The following TRAPPC14 variants were observed in gnomAD, a reference collection of about 807,000 sequenced individuals.
The protein encoded by TRAPPC14 is microtubule associated protein 11.
In TRAPPC14, 24 loss-of-function variants were observed where a neutral mutation model predicts 56.6. That is an observed-to-expected ratio of 0.42 (90% confidence interval 0.31 to 0.60). The LOEUF (loss-of-function observed/expected upper bound fraction) is 0.60. Among genes scored for constraint, TRAPPC14 ranks in the 20% least tolerant of loss-of-function variants. The pLI is 0.14. For synonymous variants in TRAPPC14, 377 were observed against 347.0 expected (o/e 1.09, Z -0.96); for missense variants, 615 against 790.3 (o/e 0.78, Z 2.66).
At position 100,155,146 on chromosome 7, in the gene TRAPPC14, C is replaced by G. The variant is rs778194921; in HGVS notation, c.1608G>C (p.Glu536Asp). The G allele has an allele frequency of 2.0e-5, 32 of 1,611,904 alleles. No homozygotes were observed. In the South Asian group the frequency reaches 2.4e-4, roughly 12 times the overall value. Residue 536 changes from glutamate (E) to aspartate (D), a missense_variant, in exon 11 of 11, where the codon GAG becomes GAC. Glu to Asp is a conservative substitution (Grantham distance 45). Coordinates refer to ENST00000316937, the MANE Select transcript of TRAPPC14 (RefSeq NM_018275.5). ...SHLMRSGSVMERRAITPPVAS... is the reference protein window; with the variant it reads ...SHLMRSGSVMDRRAITPPVAS... ...CCACAGGGGGCGTGATGGCTCTGCG[C>G]TCCATCACACTGCCCGACCTGGGGG...
At position 100,158,537 on chromosome 7, in the gene TRAPPC14, G is replaced by C; in HGVS notation, c.-38C>G. 2.3e-6 allele frequency: 3 copies of C among 1,302,434 alleles called. No homozygotes were observed. The South Asian group carries it at 6.8e-5, about 30-fold the overall frequency. 80.7% of individuals were successfully genotyped at this position (1,302,434 alleles called of 1,614,324 possible). A position where few individuals can be genotyped will look rare whatever the true frequency, so the allele number is the denominator to read the frequency against. On this transcript the variant is annotated 5_prime_UTR_variant, in exon 1 of 11. Coordinates refer to ENST00000316937, the MANE Select transcript of TRAPPC14 (RefSeq NM_018275.5). ...ACGGCGCGACTGGGAGCCCGGACCG[G>C]AGGCCGACCGCCGGCGGGGCCCGCT...
rs757688565 is a variant in TRAPPC14, at chr7:100,155,157, T to G, written c.1597A>C (p.Ser533Arg). The G allele has an allele frequency of 1.2e-6, 2 of 1,611,216 alleles. No individual in the cohort carries two copies. The highest frequency in any genetic ancestry group is 1.7e-6 in the Non-Finnish European group (2 of 1,178,664). The change falls in exon 11 of 11, where the codon AGT (serine) becomes CGT (arginine). Residue 533 changes from serine to arginine, a missense_variant. Transcript: ENST00000316937. ...PSRSHLMRSG[S>R]VMERRAITPP... ...GTGATGGCTCTGCGCTCCATCACACTGCCCGACCTGGGGGAAGGCAGAGGC... is the reference window on the plus strand; with the variant it reads ...GTGATGGCTCTGCGCTCCATCACACGGCCCGACCTGGGGGAAGGCAGAGGC...
chr7:100,156,299 T>TGGC, intron 8 of TRAPPC14, 87 bp downstream of exon 8: 5 of 1,411,546 alleles, frequency 3.5e-6, no homozygotes, highest in Non-Finnish European at 4.9e-6. Context: ...GCACCAAATT[T>TGGC]GGCTGTTTTC....
At position 100,155,400 on chromosome 7, in the gene TRAPPC14, G is replaced by A. The variant is rs1390160898; in HGVS notation, c.1451C>T (p.Pro484Leu). 6.5e-7 allele frequency: 1 copy of A among 1,546,630 alleles called. No homozygotes were observed. The highest frequency in any genetic ancestry group is 8.7e-7 in the Non-Finnish European group (1 of 1,144,956). The change falls in exon 10 of 11, where the codon CCA (proline) becomes CTA (leucine). Residue 484 changes from proline to leucine, a missense_variant. Pro to Leu is a moderately conservative substitution (Grantham distance 98). Coordinates refer to ENST00000316937, the MANE Select transcript of TRAPPC14 (RefSeq NM_018275.5). ...GCGGGAGAGGGGCCGGGCCTCGGGT[G>A]GAGGGTGGGACACGCTGGCGGTGAA... ...LQFTASVSHP[P>L]PEARPLSRKS...
rs201639216 is a variant in TRAPPC14 at position 100,156,413 on chromosome 7, C to G, written c.1213G>C (p.Val405Leu). The G allele has an allele frequency of 3.1e-6, 5 of 1,614,162 alleles. No individual in the cohort carries two copies. Among genetic ancestry groups the G allele is most frequent in the East Asian group, 2.2e-5 (1 of 44,886 alleles). The change falls in exon 8 of 11, where the codon GTG becomes CTG. Residue 405 changes from valine (V) to leucine (L), a missense_variant. By Grantham distance (32) the Val-to-Leu change is conservative. Coordinates refer to ENST00000316937, the MANE Select transcript of TRAPPC14 (RefSeq NM_018275.5). ...GCCTGTGCATGCTCTGGGGTCCACA[C>G]GAGCCTCACAGCAAGGAAGTCTTGG... ...NLQDFLAVRLVWTPEHAQAGK... is the reference protein window; with the variant it reads ...NLQDFLAVRLLWTPEHAQAGK...
chr7:100,155,069 G>A lies in TRAPPC14; in HGVS notation c.1685C>T (p.Ser562Phe). The change falls in exon 11 of 11, where the codon TCT (serine) becomes TTT (phenylalanine). Residue 562 changes from serine to phenylalanine, a missense_variant. By Grantham distance (155) the Ser-to-Phe change is radical. Transcript: ENST00000316937. The stretch of plus-strand genomic sequence containing the variant: ...CTCGCGCTTGGCAATCTTGTCCAGA[G>A]ACAACACAGCCTTGTCCGGGGGCAG... Reference protein sequence around the residue: ...LYLPPDKAVLSLDKIAKRECK... With the variant: ...LYLPPDKAVLFLDKIAKRECK... 2 of 1,614,098 alleles carry A rather than the reference G, an allele frequency of 1.2e-6. No individual in the cohort carries two copies. The highest frequency in any genetic ancestry group is 1.7e-6 in the Non-Finnish European group (2 of 1,179,956).
At chr7:100,155,228 A>T (rs201140518) in intron 10 of TRAPPC14, 34 bp downstream of exon 10, 19 of 1,593,542 alleles carry the variant, frequency 1.2e-5, no homozygotes, top group Non-Finnish European at 1.6e-5. Flanking sequence ...CCCATCCTCT[A>T]CCCGGTCCCA....
intron 10 of TRAPPC14, 34 bp from the exon 11 acceptor site, chr7:100,155,198 G>C (rs377141340): frequency 2.3e-4 from 362 of 1,608,552 alleles, no homozygotes; most frequent in Middle Eastern, 3.3e-4. Context: ...GCGCTGGTCA[G>C]ACCCGGCACC....
Position 100,155,148 on chromosome 7 carries a change from C to G in TRAPPC14, c.1606G>C (p.Glu536Gln). Residue 536 changes from glutamate (E) to glutamine (Q), a missense_variant, in exon 11 of 11, where the codon GAG becomes CAG. Transcript: ENST00000316937. ...ACAGGGGGCGTGATGGCTCTGCGCT[C>G]CATCACACTGCCCGACCTGGGGGAA... ...SHLMRSGSVMERRAITPPVAS... is the reference protein window; with the variant it reads ...SHLMRSGSVMQRRAITPPVAS... 1 of 1,611,962 alleles carries G rather than the reference C, an allele frequency of 6.2e-7. No individual in the cohort carries two copies. The highest frequency in any genetic ancestry group is 8.5e-7 in the Non-Finnish European group (1 of 1,178,990).
Position 100,155,609 on chromosome 7 carries a change from G to C in TRAPPC14, c.1395+62C>G, listed in dbSNP as rs1481260249. ...TTCATCCCCAAAATCTAAGGGTCCTGCCTCCGTCCACCCCAGCATTCTGCA... is the reference window on the plus strand; with the variant it reads ...TTCATCCCCAAAATCTAAGGGTCCTCCCTCCGTCCACCCCAGCATTCTGCA... On this transcript the variant is annotated intron_variant, in intron 9 of 10. Coordinates refer to ENST00000316937, the MANE Select transcript of TRAPPC14 (RefSeq NM_018275.5). The C allele has an allele frequency of 2.6e-6, 4 of 1,525,428 alleles. No homozygotes were observed. The African/African-American group carries it at 5.6e-5, about 21-fold the overall frequency. The allele number at this position is 1,525,428 out of a possible 1,614,324, so 94.5% of individuals were successfully genotyped here. A position where few individuals can be genotyped will look rare whatever the true frequency, so the allele number is the denominator to read the frequency against.
At position 100,158,241 on chromosome 7, in the gene TRAPPC14, C is replaced by A; in HGVS notation, c.259G>T (p.Ala87Ser). 6.7e-7 allele frequency: 1 copy of A among 1,485,636 alleles called. No individual in the cohort carries two copies. The highest frequency in any genetic ancestry group is 1.3e-5 in the South Asian group (1 of 78,592). 92.0% of individuals were successfully genotyped at this position (1,485,636 alleles called of 1,614,324 possible). ...CCGCCCCCCGGCATCCCGCCTCCGG[C>A]GCTGACCGAGGCCAGGGCGGCCAGG... ...TALAALASVS[A>S]GGGMPGGGGA... is the part of the protein sequence containing the mutation. The change falls in exon 1 of 11, where the codon GCC (alanine) becomes TCC (serine). Residue 87 changes from alanine (A) to serine (S), a missense_variant. Physicochemically the swap from Ala to Ser is moderately conservative, Grantham distance 99 (BLOSUM62 1). Coordinates refer to ENST00000316937, the MANE Select transcript of TRAPPC14 (RefSeq NM_018275.5).
rs764234323 is a variant in TRAPPC14 at position 100,156,877 on chromosome 7, C to G, written c.961G>C (p.Gly321Arg). The change falls in exon 6 of 11, where the codon GGG becomes CGG. Residue 321 changes from glycine to arginine, a missense_variant. Physicochemically the swap from Gly to Arg is moderately radical, Grantham distance 125 (BLOSUM62 -2). Transcript: ENST00000316937. ...EEHNFLFQLR[G>R]GEQPPPGAKE... ...GCCCCTGGAGGGGGCTGCTCACCCC[C>G]TCTCAGCTGAAACAGGAAGTTGTGT... The G allele has an allele frequency of 9.3e-6, 15 of 1,614,014 alleles. No homozygotes were observed. In the South Asian group the frequency reaches 1.1e-4, roughly 12 times the overall value.
In TRAPPC14 at chr7:100,155,845, C is replaced by A. The variant is rs1798867100; in HGVS notation, c.1241-20G>T. Reference sequence around the variant, plus strand: ...GCTTTCCTGGGGGCAGAAACAGGGACCAGCAAACACTACAGCGTTCCTCAT... The same window carrying A: ...GCTTTCCTGGGGGCAGAAACAGGGAACAGCAAACACTACAGCGTTCCTCAT... On this transcript the variant is annotated intron_variant, in intron 8 of 10. Transcript: ENST00000316937. 1 of 1,614,044 alleles carries A rather than the reference C, an allele frequency of 6.2e-7. No homozygotes were observed. Among genetic ancestry groups the A allele is most frequent in the Admixed American group, 1.7e-5 (1 of 60,006 alleles).
chr7:100,155,288 C>G lies in TRAPPC14; in HGVS notation c.1563G>C (p.Gln521His), dbSNP rs1390636302. ...SLGRSQSFSH[Q>H]QPSRSHLMRS... ...TCATGAGGTGGCTTCGGGAAGGCTG[C>G]TGGTGGGAGAAGGACTGGGAGCGGC... is the stretch of plus-strand genomic sequence containing the variant. Residue 521 changes from glutamine (Q) to histidine (H), a missense_variant, in exon 10 of 11, where the codon CAG becomes CAC. By Grantham distance (24) the Gln-to-His change is conservative. Transcript: ENST00000316937. 3 of 1,563,060 alleles carry G rather than the reference C, an allele frequency of 1.9e-6. No individual in the cohort carries two copies. In the African/African-American group the frequency reaches 4.1e-5, roughly 21 times the overall value.
Position 100,156,633 on chromosome 7 carries a change from C to G in TRAPPC14, c.1076+1G>C. On this transcript the variant is annotated splice_donor_variant, in intron 7 of 10. Coordinates refer to ENST00000316937, the MANE Select transcript of TRAPPC14 (RefSeq NM_018275.5). LOFTEE classifies it high-confidence loss of function. ...ACGATTCCTCCAGGATCCACACTCA[C>G]CGGTAGTGGGTGTAGATGCTCTGAG... The G allele has an allele frequency of 1.2e-6, 2 of 1,611,748 alleles. No homozygotes were observed. Among genetic ancestry groups the G allele is most frequent in the Non-Finnish European group, 1.7e-6 (2 of 1,178,654 alleles).
intron 8 of TRAPPC14, 57 bp downstream of exon 8, chr7:100,156,329 T>A (rs2116959593): frequency 1.9e-6 from 3 of 1,588,528 alleles, no homozygotes; most frequent in Non-Finnish European, 2.6e-6. Flanking sequence ...CCTCCCTGAC[T>A]TTTTCCTTTC....
At chr7:100,157,487 G>C (rs368825388) in intron 3 of TRAPPC14, 28 bp from the exon 4 acceptor site, 3 of 1,607,836 alleles carry the variant, frequency 1.9e-6, no homozygotes, top group African/African-American at 1.3e-5. Context: ...GGCAAGAAGT[G>C]ATGGTCTGGA....
At position 100,155,428 on chromosome 7, in the gene TRAPPC14, G is replaced by A; in HGVS notation, c.1423C>T (p.Gln475Ter). The A allele has an allele frequency of 6.5e-7, 1 of 1,529,430 alleles. No homozygotes were observed. 94.7% of individuals were successfully genotyped at this position (1,529,430 alleles called of 1,614,324 possible). ...GGGTGGGACACGCTGGCGGTGAACT[G>A]CAGCTTCAGTTTCATGTGCTGGCTT... Reference protein sequence around the residue: ...ELSQHMKLKLQFTASVSHPPP... With the variant: ...ELSQHMKLKL Residue 475 changes from glutamine to a stop codon, truncating the protein, a stop_gained, in exon 10 of 11, where the codon CAG becomes TAG. Coordinates refer to ENST00000316937, the MANE Select transcript of TRAPPC14 (RefSeq NM_018275.5). LOFTEE classifies it high-confidence loss of function.
In TRAPPC14 at chr7:100,157,209, T is replaced by A. The variant is rs1416562489; in HGVS notation, c.730A>T (p.Asn244Tyr). ...GKHLTVLKVL[N>Y]SSSQEEISIW... is the part of the protein sequence containing the mutation. ...GAGATTTCCTCCTGAGAGGAGCTGTTCAGCACTGTGGGAGAGGACCAGCTT... is the reference window on the plus strand; with the variant it reads ...GAGATTTCCTCCTGAGAGGAGCTGTACAGCACTGTGGGAGAGGACCAGCTT... The change falls in exon 5 of 11, where the codon AAC (asparagine) becomes TAC (tyrosine). Residue 244 changes from asparagine (N) to tyrosine (Y), a missense_variant. Coordinates refer to ENST00000316937, the MANE Select transcript of TRAPPC14 (RefSeq NM_018275.5). 1 of 1,614,056 alleles carries A rather than the reference T, an allele frequency of 6.2e-7. No individual in the cohort carries two copies. Among genetic ancestry groups the A allele is most frequent in the African/African-American group, 1.3e-5 (1 of 74,910 alleles).
Sources: allele counts gnomAD v4.1 joint callset, GRCh38; gene constraint gnomAD v4.1.1; transcripts MANE v1.5; gene names NCBI Gene and HGNC (gene_info 2026-07-23, HGNC 2026-07-21).